The following CTNND1 variants were observed in gnomAD, a reference collection of about 807,000 sequenced individuals.
The protein encoded by CTNND1 is catenin delta 1.
CTNND1 carries 16 observed loss-of-function variants against 112.1 expected under a neutral mutation model. That is an observed-to-expected ratio of 0.14 (90% CI 0.10 to 0.22). CTNND1 has a LOEUF of 0.22. Ranked by LOEUF, CTNND1 falls within the 10% of genes least tolerant of loss-of-function variation. The pLI is 1.00. For missense variants in CTNND1, 1,008 were observed against 1,257.0 expected (o/e 0.80, Z 3.00); for synonymous variants, 420 against 446.5 (o/e 0.94, Z 0.75).
rs998849127 is a variant in CTNND1, at chr11:57,791,358, CTCCTT to C, written c.-94-24_-94-20del. 4.5e-6 allele frequency: 6 copies of C among 1,342,018 alleles called. No individual in the cohort carries two copies. The African/African-American group carries it at 7.6e-5, about 17-fold the overall frequency. 83.1% of individuals were successfully genotyped at this position (1,342,018 alleles called of 1,614,324 possible). ...TCTTCTCTGACCTGTGACCTTTTCT[CTCCTT>C]TCTCTTACCCTTTCCCGGTAGTGTG... On this transcript the variant is annotated intron_variant, in intron 2 of 20. Coordinates refer to ENST00000399050, the MANE Select transcript of CTNND1 (RefSeq NM_001085458.2).
intron 2 of CTNND1, among the ~76,000 whole-genome samples, chr11:57,790,667 C>T (rs1345424114): frequency 6.6e-6 from 1 of 150,698 alleles, no homozygotes; most frequent in African/African-American, 2.4e-5. Flanking sequence ...ACGCCATTCT[C>T]CTGTCTCAGC....
At chr11:57,774,784 G>A (rs1290303353) in intron 1 of CTNND1, among the ~76,000 whole-genome samples, 3 of 152,020 alleles carry the variant, frequency 2.0e-5, no homozygotes, top group African/African-American at 7.2e-5. Context: ...CGTGATCTTG[G>A]CTCGCTGCAA....
intron 18 of CTNND1, 42 bp downstream of exon 18, chr11:57,814,415 C>T (rs2063718889): frequency 2.0e-6 from 3 of 1,485,948 alleles, no homozygotes; most frequent in South Asian, 1.2e-5. Context: ...AGTAATATTT[C>T]ACTGGCTAAG....
intron 1 of CTNND1, among the ~76,000 whole-genome samples, chr11:57,767,895 G>T (rs1951513573): frequency 1.3e-5 from 2 of 149,014 alleles, no homozygotes; most frequent in African/African-American, 5.0e-5. Flanking sequence ...GTGTAGTAGT[G>T]CAATCTTTGC....
intron 1 of CTNND1, among the ~76,000 whole-genome samples, chr11:57,787,680 C>T (rs910034028): frequency 1.3e-5 from 2 of 152,186 alleles, no homozygotes; most frequent in Admixed American, 6.5e-5. Flanking sequence ...GAACTGGGAC[C>T]AGTCTTCTTG....
intron 3 of CTNND1, chr11:57,793,244 G>A (rs1463611946): frequency 1.3e-5 from 2 of 152,212 alleles, no homozygotes; most frequent in African/African-American, 2.4e-5. Flanking sequence ...AAGAGGAGCA[G>A]GCAAATATAT....
At position 57,818,718 on chromosome 11, in the gene CTNND1, G is replaced by A. The variant is rs958631861; in HGVS notation, c.*2410G>A. ...GCTAATTTAGAGATAGGAAACTGAAGCATAAAGAATTAATGACTTACTTTA... is the reference window on the plus strand; with the variant it reads ...GCTAATTTAGAGATAGGAAACTGAAACATAAAGAATTAATGACTTACTTTA... On this transcript the variant is annotated 3_prime_UTR_variant, in exon 21 of 21. Transcript: ENST00000399050. 6.6e-6 allele frequency: 1 copy of A among 152,144 alleles called. No individual in the cohort carries two copies. Among genetic ancestry groups the A allele is most frequent in the Non-Finnish European group, 1.5e-5 (1 of 68,020 alleles). The allele number at this position is 152,144 out of a possible 1,614,324, so 9.4% of individuals were successfully genotyped here.
chr11:57,765,894 G>T (rs1950938518), intron 1 of CTNND1, among the ~76,000 whole-genome samples: 1 of 152,194 alleles, frequency 6.6e-6, no homozygotes, highest in Non-Finnish European at 1.5e-5. Context: ...GATCTGGCCT[G>T]GTGCGGTGGC....
At chr11:57,814,175 C>T in intron 17 of CTNND1, 136 bp from the exon 18 acceptor site, 1 of 650,220 alleles carries the variant, frequency 1.5e-6, no homozygotes, top group Non-Finnish European at 2.8e-6. Flanking sequence ...ATTATCCAGG[C>T]ATTGTGATGC....
At chr11:57,778,476 A>G (rs541245) in intron 1 of CTNND1, among the ~76,000 whole-genome samples, 43,004 of 152,104 alleles carry the variant, frequency 0.28, 7,116 homozygotes, top group East Asian at 0.79. Context: ...AAACTTGCCA[A>G]GTAGGAATCT....
intron 17 of CTNND1, among the ~76,000 whole-genome samples, chr11:57,812,028 T>G (rs1182023823): frequency 2.0e-5 from 3 of 152,218 alleles, no homozygotes; most frequent in Non-Finnish European, 4.4e-5. Flanking sequence ...GCTTTTTCCT[T>G]GATTATTGGT....
chr11:57,808,754 G>A (rs1477504235), intron 14 of CTNND1, among the ~76,000 whole-genome samples: 3 of 152,154 alleles, frequency 2.0e-5, no homozygotes, highest in Non-Finnish European at 2.9e-5. Flanking sequence ...AATAATAATT[G>A]CTATTATTTA....
chr11:57,772,872 G>A (rs937644748), intron 1 of CTNND1, among the ~76,000 whole-genome samples: 7 of 149,948 alleles, frequency 4.7e-5, no homozygotes, highest in Admixed American at 6.7e-5. Context: ...TCTCTCACCC[G>A]TCTCCTCCTC....
intron 17 of CTNND1, 49 bp from the exon 18 acceptor site, chr11:57,814,262 G>T (rs1486081002): frequency 7.1e-7 from 1 of 1,413,748 alleles, no homozygotes. Flanking sequence ...GATGTGTACA[G>T]ATTTTGAAGA....
chr11:57,781,539 T>A (rs1369899906), intron 1 of CTNND1: 1 of 152,282 alleles, frequency 6.6e-6, no homozygotes, highest in Non-Finnish European at 1.5e-5. Context: ...CTCTGTTTTT[T>A]TGCCCCTCCC....
chr11:57,796,528 T>G lies in CTNND1; in HGVS notation c.492T>G (p.Pro164=). 1.2e-6 allele frequency: 2 copies of G among 1,614,016 alleles called. No individual in the cohort carries two copies. The highest frequency in any genetic ancestry group is 1.7e-6 in the Non-Finnish European group (2 of 1,179,876). The change falls in exon 6 of 21, where the codon CCT becomes CCG. Residue 164 remains proline (P), a synonymous_variant. Coordinates refer to ENST00000399050, the MANE Select transcript of CTNND1 (RefSeq NM_001085458.2). The stretch of plus-strand genomic sequence containing the variant: ...TCGCTATGGGACCAGACGGGTTGCC[T>G]GTGGATGCTTCATCAGTTTCTAACA... The part of the protein sequence containing the change: ...QPVAMGPDGL[P]VDASSVSNNY...
At chr11:57,783,722 G>A (rs1359136249) in intron 1 of CTNND1, among the ~76,000 whole-genome samples, 1 of 151,946 alleles carries the variant, frequency 6.6e-6, no homozygotes, top group East Asian at 1.9e-4. Flanking sequence ...GAAACAAAAT[G>A]GCAAGTTTGT....
Position 57,793,942 on chromosome 11 carries a change from A to G in CTNND1, c.196-68A>G, listed in dbSNP as rs527898198. 2.6e-6 allele frequency: 4 copies of G among 1,512,538 alleles called. No homozygotes were observed. In the South Asian group the frequency reaches 4.5e-5, roughly 17 times the overall value. 93.7% of individuals were successfully genotyped at this position (1,512,538 alleles called of 1,614,324 possible). A position where few individuals can be genotyped will look rare whatever the true frequency, so the allele number is the denominator to read the frequency against. ...AGCCCTTTTCCTGTTTGAAAAAAAG[A>G]TCGTTTGTATTTGATAGAGCAAAAG... On this transcript the variant is annotated intron_variant, in intron 3 of 20. Transcript: ENST00000399050.
intron 1 of CTNND1, 53 bp downstream of exon 1, chr11:57,762,172 T>C: frequency 1.2e-6 from 1 of 813,852 alleles, no homozygotes; most frequent in Non-Finnish European, 1.5e-6. Flanking sequence ...ATGAGTAACT[T>C]TTAAGCAATT....
Sources: allele counts gnomAD v4.1 joint callset (sites outside exome capture counted in the v4.1 genomes callset), GRCh38; gene constraint gnomAD v4.1.1; transcripts MANE v1.5; gene names NCBI Gene and HGNC (gene_info 2026-07-23, HGNC 2026-07-21).